The following BDKRB1 variants were observed in gnomAD, a reference collection of about 807,000 sequenced individuals.
The protein encoded by BDKRB1 is bradykinin receptor B1.
For missense variants in BDKRB1, 414 were observed against 441.4 expected (o/e 0.94, Z 0.56); for synonymous variants, 192 against 189.1 (o/e 1.02, Z -0.13).
chr14:96,257,671 G>A (rs1037096795), intron 1 of BDKRB1, among the ~76,000 whole-genome samples: 16 of 152,076 alleles, frequency 1.1e-4, no homozygotes, highest in Non-Finnish European at 1.5e-4. Flanking sequence ...ACCAATCGCC[G>A]GGGAATTCTA....
At position 96,264,328 on chromosome 14, in the gene BDKRB1, G is replaced by A. The variant is rs767266886; in HGVS notation, c.646G>A (p.Ala216Thr). The change falls in exon 3 of 3, where the codon GCT (alanine) becomes ACT (threonine). Residue 216 changes from alanine to threonine, a missense_variant. Transcript: ENST00000216629. ...LNILGFLLPLAAIVFFNYHIL... is the reference protein window; with the variant it reads ...LNILGFLLPLTAIVFFNYHIL... ...TATTCTGGGTTTCCTCCTACCACTGGCTGCGATCGTCTTCTTCAACTACCA... is the reference window on the plus strand; with the variant it reads ...TATTCTGGGTTTCCTCCTACCACTGACTGCGATCGTCTTCTTCAACTACCA... 32 of 1,614,068 alleles carry A rather than the reference G, an allele frequency of 2.0e-5. No individual in the cohort carries two copies. The Admixed American group carries it at 5.0e-4, about 25-fold the overall frequency.
chr14:96,264,294 G>A lies in BDKRB1; in HGVS notation c.612G>A (p.Val204=), dbSNP rs112987981. The change falls in exon 3 of 3, where the codon GTG becomes GTA. Residue 204 remains valine, a synonymous_variant. Coordinates refer to ENST00000216629, the MANE Select transcript of BDKRB1 (RefSeq NM_000710.4). ...PHEAWHFARI[V]ELNILGFLLP... is the part of the protein sequence containing the mutation. Reference sequence around the variant, plus strand: ...AGGCCTGGCACTTTGCAAGGATTGTGGAGTTAAATATTCTGGGTTTCCTCC... The same window carrying A: ...AGGCCTGGCACTTTGCAAGGATTGTAGAGTTAAATATTCTGGGTTTCCTCC... 5.8e-4 allele frequency: 930 copies of A among 1,614,206 alleles called. 5 individuals are homozygous for A. The African/African-American group carries it at 0.011, about 19-fold the overall frequency.
chr14:96,258,387 A>G (rs944063822), intron 1 of BDKRB1, among the ~76,000 whole-genome samples: 3 of 152,178 alleles, frequency 2.0e-5, no homozygotes, highest in African/African-American at 7.2e-5. Context: ...AGTACCTTCA[A>G]TTGACTCTTC....
In BDKRB1 at chr14:96,264,529, G is replaced by A. The variant is rs1885846070; in HGVS notation, c.847G>A (p.Gly283Ser). The A allele has an allele frequency of 3.7e-6, 6 of 1,614,172 alleles. No individual in the cohort carries two copies. The highest frequency in any genetic ancestry group is 5.1e-6 in the Non-Finnish European group (6 of 1,180,038). Residue 283 changes from glycine (G) to serine (S), a missense_variant, in exon 3 of 3, where the codon GGC (glycine) becomes AGC (serine). Gly to Ser is a moderately conservative substitution (Grantham distance 56, BLOSUM62 0). Coordinates refer to ENST00000216629, the MANE Select transcript of BDKRB1 (RefSeq NM_000710.4). ...EFLFQVQAVR[G>S]CFWEDFIDLG... ...CTTATTCCAGGTGCAAGCAGTCCGAGGCTGCTTTTGGGAGGACTTCATTGA... is the reference window on the plus strand; with the variant it reads ...CTTATTCCAGGTGCAAGCAGTCCGAAGCTGCTTTTGGGAGGACTTCATTGA...
intron 1 of BDKRB1, among the ~76,000 whole-genome samples, chr14:96,261,419 G>C (rs1363173812): frequency 6.6e-6 from 1 of 152,172 alleles, no homozygotes. Context: ...TTATACCCCG[G>C]TGTGAATAAC....
At chr14:96,258,881 G>A (rs976838080) in intron 1 of BDKRB1, among the ~76,000 whole-genome samples, 1 of 150,472 alleles carries the variant, frequency 6.6e-6, no homozygotes, top group Middle Eastern at 3.4e-3. Context: ...CTACTTATAA[G>A]TTTTGAATGT....
intron 1 of BDKRB1, among the ~76,000 whole-genome samples, 179 bp from the exon 2 acceptor site, chr14:96,262,473 A>G (rs973395054): frequency 3.3e-5 from 5 of 152,202 alleles, no homozygotes; most frequent in African/African-American, 1.2e-4. Context: ...AAATGAGAAA[A>G]TACTTAAATG....
At chr14:96,261,077 T>C (rs942069882) in intron 1 of BDKRB1, among the ~76,000 whole-genome samples, 2 of 152,160 alleles carry the variant, frequency 1.3e-5, no homozygotes, top group South Asian at 4.1e-4. Flanking sequence ...CCAAAAACCT[T>C]GGCATTGTCC....
rs561648647 is a variant in BDKRB1 at position 96,264,172 on chromosome 14, G to T, written c.490G>T (p.Val164Leu). ...ARVTCVLIWV[V>L]GGLLSIPTFL... ...GGTCACCTGCGTGCTCATCTGGGTT[G>T]TGGGGGGCCTCTTGAGCATCCCCAC... Residue 164 changes from valine to leucine, a missense_variant, in exon 3 of 3, where the codon GTG becomes TTG. Val to Leu is a conservative substitution (Grantham distance 32, BLOSUM62 1). Coordinates refer to ENST00000216629, the MANE Select transcript of BDKRB1 (RefSeq NM_000710.4). 3.7e-6 allele frequency: 6 copies of T among 1,606,874 alleles called. No individual in the cohort carries two copies. In the East Asian group the frequency reaches 6.7e-5, roughly 18 times the overall value.
At chr14:96,256,838 A>AG (rs1421837119) in intron 1 of BDKRB1, among the ~76,000 whole-genome samples, 2 of 152,308 alleles carry the variant, frequency 1.3e-5, no homozygotes, top group Non-Finnish European at 2.9e-5. Context: ...GTTAATTTGA[A>AG]GAATTAACTA....
intron 1 of BDKRB1, among the ~76,000 whole-genome samples, chr14:96,262,247 T>A (rs942050238): frequency 6.6e-6 from 1 of 152,224 alleles, no homozygotes; most frequent in African/African-American, 2.4e-5. Context: ...CCTGGCTTTG[T>A]CATTCATCGC....
At chr14:96,258,026 G>A (rs534280811) in intron 1 of BDKRB1, among the ~76,000 whole-genome samples, 1 of 148,804 alleles carries the variant, frequency 6.7e-6, no homozygotes, top group South Asian at 2.2e-4. Context: ...AGGAAGGAAG[G>A]GGAAAAAATC....
At position 96,264,018 on chromosome 14, in the gene BDKRB1, C is replaced by T. The variant is rs1885823582; in HGVS notation, c.336C>T (p.Val112=). ...NWPFGALLCR[V]INGVIKANLF... is the part of the protein sequence containing the mutation. ...CTTTCGGAGCCCTCCTCTGCCGTGT[C>T]ATCAACGGGGTCATCAAGGCCAATT... Residue 112 remains valine, a synonymous_variant, in exon 3 of 3, where the codon GTC becomes GTT. Coordinates refer to ENST00000216629, the MANE Select transcript of BDKRB1 (RefSeq NM_000710.4). The T allele has an allele frequency of 6.2e-7, 1 of 1,614,182 alleles. No individual in the cohort carries two copies. Among genetic ancestry groups the T allele is most frequent in the East Asian group, 2.2e-5 (1 of 44,880 alleles).
chr14:96,258,092 T>C (rs1278394579), intron 1 of BDKRB1, among the ~76,000 whole-genome samples: 1 of 152,186 alleles, frequency 6.6e-6, no homozygotes, highest in Non-Finnish European at 1.5e-5. Context: ...AGATAAAAAC[T>C]ATTTTCAAAA....
intron 1 of BDKRB1, among the ~76,000 whole-genome samples, chr14:96,258,711 A>G (rs1885674292): frequency 6.6e-6 from 1 of 152,088 alleles, no homozygotes; most frequent in South Asian, 2.1e-4. Context: ...AGTAGAGACA[A>G]AGTTTCACCA....
chr14:96,259,148 G>T (rs1198843080), intron 1 of BDKRB1, among the ~76,000 whole-genome samples: 2 of 152,120 alleles, frequency 1.3e-5, no homozygotes, highest in African/African-American at 4.8e-5. Context: ...TTTGAAAGTT[G>T]ACGTTTTGCT....
In BDKRB1 at chr14:96,264,431, C is replaced by A; in HGVS notation, c.749C>A (p.Ala250Glu). 1 of 1,614,224 alleles carries A rather than the reference C, an allele frequency of 6.2e-7. No individual in the cohort carries two copies. Among genetic ancestry groups the A allele is most frequent in the Non-Finnish European group, 8.5e-7 (1 of 1,180,038 alleles). The change falls in exon 3 of 3, where the codon GCG becomes GAG. Residue 250 changes from alanine to glutamate, a missense_variant. Physicochemically the swap from Ala to Glu is moderately radical, Grantham distance 107 (BLOSUM62 -1). Transcript: ENST00000216629. ...CGGRKDSKTT[A>E]LILTLVVAFL... ...GGCCGCAAGGATAGCAAGACCACAG[C>A]GCTGATCCTCACGCTCGTGGTTGCC...
At chr14:96,261,939 G>A (rs923948049) in intron 1 of BDKRB1, among the ~76,000 whole-genome samples, 1 of 152,272 alleles carries the variant, frequency 6.6e-6, no homozygotes, top group Non-Finnish European at 1.5e-5. Context: ...GCTGGGAGAT[G>A]CAGTCCTCCC....
intron 1 of BDKRB1, 22 bp from the exon 2 acceptor site, chr14:96,262,626 TGTTG>T (rs1452127973): frequency 2.1e-4 from 22 of 105,030 alleles, no homozygotes; most frequent in African/African-American, 7.7e-4. Context: ...TTTTTTTTTT[TGTTG>T]TTGTTGTTGT....
Sources: allele counts gnomAD v4.1 joint callset (sites outside exome capture counted in the v4.1 genomes callset), GRCh38; gene constraint gnomAD v4.1.1; transcripts MANE v1.5; gene names NCBI Gene and HGNC (gene_info 2026-07-23, HGNC 2026-07-21).